The following CDH17 variants were observed in gnomAD, a reference collection of about 807,000 sequenced individuals.
CDH17 encodes the protein cadherin 17, also known as cadherin-17.
A neutral mutation model predicts 86.3 loss-of-function variants in CDH17; 67 were observed. That is an observed-to-expected ratio of 0.78 (90% confidence interval 0.64 to 0.95). The LOEUF (loss-of-function observed/expected upper bound fraction) is 0.95, where lower values mean the gene tolerates loss of function less well. Ranked by LOEUF, CDH17 falls within the 40% of genes least tolerant of loss-of-function variation. The pLI, the probability that CDH17 is intolerant of heterozygous loss-of-function variation, is 0.00. For synonymous variants in CDH17, 367 were observed against 366.4 expected (o/e 1.00, Z -0.02); for missense variants, 993 against 1,017.6 (o/e 0.98, Z 0.33).
chr8:94,145,128 T>C (rs1812715699), intron 15 of CDH17, among the ~76,000 whole-genome samples: 1 of 152,234 alleles, frequency 6.6e-6, no homozygotes, highest in Non-Finnish European at 1.5e-5. Flanking sequence ...AACTCCCATA[T>C]GACCCAGCCA....
intron 1 of CDH17, among the ~76,000 whole-genome samples, chr8:94,216,723 A>T (rs187611903): frequency 6.6e-6 from 1 of 152,214 alleles, no homozygotes; most frequent in African/African-American, 2.4e-5. Flanking sequence ...AAGAAAATCA[A>T]TGGTAGTTAA....
At position 94,177,639 on chromosome 8, in the gene CDH17, A is replaced by G. The variant is rs767319350; in HGVS notation, c.233T>C (p.Leu78Pro). 17 of 1,613,764 alleles carry G rather than the reference A, an allele frequency of 1.1e-5. No individual in the cohort carries two copies. In the Admixed American group the frequency reaches 2.5e-4, roughly 24 times the overall value. The change falls in exon 4 of 18, where the codon CTG becomes CCG. Residue 78 changes from leucine to proline, a missense_variant. Leu to Pro is a moderately conservative substitution (Grantham distance 98, BLOSUM62 -3). Transcript: ENST00000027335. Reference sequence around the variant, plus strand: ...CCTGTCCAAGGCTCTGTTGTAATACAGAAGTCCCTCCCGTTCTATCACAAA... The same window carrying G: ...CCTGTCCAAGGCTCTGTTGTAATACGGAAGTCCCTCCCGTTCTATCACAAA... ...NIFVIEREGL[L>P]YYNRALDRET... is the part of the protein sequence containing the mutation.
intron 14 of CDH17, among the ~76,000 whole-genome samples, chr8:94,146,505 C>A (rs1450187249): frequency 1.3e-5 from 2 of 152,214 alleles, no homozygotes; most frequent in Non-Finnish European, 2.9e-5. Flanking sequence ...CTTTAGCAGG[C>A]CTTAGGCATG....
chr8:94,149,247 A>C (rs1433267866), intron 13 of CDH17, among the ~76,000 whole-genome samples: 1 of 151,972 alleles, frequency 6.6e-6, no homozygotes, highest in Admixed American at 6.5e-5. Flanking sequence ...ATCTTTTAAA[A>C]CCTCTTAGCA....
In CDH17 at chr8:94,146,172, G is replaced by C; in HGVS notation, c.1928-5C>G. 1 of 1,487,998 alleles carries C rather than the reference G, an allele frequency of 6.7e-7. No individual in the cohort carries two copies. Among genetic ancestry groups the C allele is most frequent in the Non-Finnish European group, 8.9e-7 (1 of 1,118,760 alleles). The allele number at this position is 1,487,998 out of a possible 1,614,324, so 92.2% of individuals were successfully genotyped here. A position where few individuals can be genotyped will look rare whatever the true frequency, so the allele number is the denominator to read the frequency against. Reference sequence around the variant, plus strand: ...CAGAGCTCAAGGAAGACCCCCCTAAGGAATTGAATGATTGAAACATGGGAT... The same window carrying C: ...CAGAGCTCAAGGAAGACCCCCCTAACGAATTGAATGATTGAAACATGGGAT... On this transcript the variant is annotated splice_region_variant and splice_polypyrimidine_tract_variant and intron_variant, in intron 14 of 17. Coordinates refer to ENST00000027335, the MANE Select transcript of CDH17 (RefSeq NM_004063.4).
In CDH17 at chr8:94,148,801, G is replaced by T; in HGVS notation, c.1870C>A (p.Pro624Thr). ...HVTGEIFSVAPLDREAGSPYR... is the reference protein window; with the variant it reads ...HVTGEIFSVATLDREAGSPYR... ...GGACTTCCGGCTTCTCTGTCCAATG[G>T]AGCCACACTAAAGATCTCACCAGTC... Residue 624 changes from proline (P) to threonine (T), a missense_variant, in exon 14 of 18, where the codon CCA becomes ACA. Coordinates refer to ENST00000027335, the MANE Select transcript of CDH17 (RefSeq NM_004063.4). 1 of 1,604,698 alleles carries T rather than the reference G, an allele frequency of 6.2e-7. No homozygotes were observed. The highest frequency in any genetic ancestry group is 8.5e-7 in the Non-Finnish European group (1 of 1,176,732).
chr8:94,205,445 G>A lies in CDH17; in HGVS notation c.-21+3038C>T, dbSNP rs116452850. 4.8e-3 allele frequency among the ~76,000 whole-genome samples: 733 copies of A among 151,888 alleles called. 5 individuals carry two copies. Among genetic ancestry groups the A allele is most frequent in the African/African-American group, 0.017 (688 of 41,352 alleles). On this transcript the variant is annotated intron_variant, in intron 1 of 17. Transcript: ENST00000027335. ...CATAGGATTTAGACACTGAAGGATC[G>A]AAAGAAAGAAAGAAAAGAGAAGAGA...
Position 94,148,729 on chromosome 8 carries a change from T to TG in CDH17, c.1927+14_1927+15insC. On this transcript the variant is annotated intron_variant, in intron 14 of 17. Coordinates refer to ENST00000027335, the MANE Select transcript of CDH17 (RefSeq NM_004063.4). ...TGTGTTCCTTTTTTTTTGTTTTTTT[T>TG]TTTTTTTTGCTTACCTACTTCTGTG... The TG allele has an allele frequency of 4.2e-6, 6 of 1,413,804 alleles. No homozygotes were observed. In the African/African-American group the frequency reaches 4.6e-5, roughly 11 times the overall value. 87.6% of individuals were successfully genotyped at this position (1,413,804 alleles called of 1,614,324 possible). A position where few individuals can be genotyped will look rare whatever the true frequency, so the allele number is the denominator to read the frequency against.
upstream of CDH17, among the ~76,000 whole-genome samples, chr8:94,210,743 A>T (rs1398563762): frequency 1.3e-5 from 2 of 152,236 alleles, no homozygotes; most frequent in Non-Finnish European, 2.9e-5. Context: ...ACTGAAGGCC[A>T]GGCGCAGTGG....
chr8:94,134,550 CTTCT>C (rs1425496856), intron 15 of CDH17, among the ~76,000 whole-genome samples: 4 of 151,926 alleles, frequency 2.6e-5, no homozygotes, highest in South Asian at 4.2e-4. Flanking sequence ...TCTCTCTTTT[CTTCT>C]TTATTAGTCT....
intron 15 of CDH17, among the ~76,000 whole-genome samples, chr8:94,141,581 C>T (rs1812639128): frequency 6.6e-6 from 1 of 152,082 alleles, no homozygotes; most frequent in Admixed American, 6.6e-5. Context: ...CTCTAGAATA[C>T]AGATCAGTAT....
At chr8:94,135,176 T>C (rs975968765) in intron 15 of CDH17, among the ~76,000 whole-genome samples, 8 of 152,164 alleles carry the variant, frequency 5.3e-5, no homozygotes, top group Admixed American at 2.6e-4. Context: ...CTATTAGGTC[T>C]GATTGGTGCA....
At chr8:94,151,804 C>T (rs528877822) in intron 13 of CDH17, 64 bp downstream of exon 13, 3 of 1,603,838 alleles carry the variant, frequency 1.9e-6, no homozygotes, top group African/African-American at 2.7e-5. Flanking sequence ...AGGCCAGCTC[C>T]TCCTCCTCCC....
upstream of CDH17, among the ~76,000 whole-genome samples, chr8:94,212,202 C>T (rs957525167): frequency 2.0e-5 from 3 of 152,236 alleles, no homozygotes; most frequent in African/African-American, 7.2e-5. Flanking sequence ...GGCTGACAGG[C>T]TGGAGTGCAG....
chr8:94,131,752 A>G lies in CDH17; in HGVS notation c.2168-760T>C, dbSNP rs1337984472. Reference sequence around the variant, plus strand: ...GTGCAGGTTTGATACGTAGGTATACATGTGTCATGTTGATTTGCTGTACTC... The same window carrying G: ...GTGCAGGTTTGATACGTAGGTATACGTGTGTCATGTTGATTTGCTGTACTC... On this transcript the variant is annotated intron_variant, in intron 15 of 17. Coordinates refer to ENST00000027335, the MANE Select transcript of CDH17 (RefSeq NM_004063.4). Among the ~76,000 whole-genome samples, 12 of 152,022 alleles carry G rather than the reference A, an allele frequency of 7.9e-5. 1 individual carries two copies. Among genetic ancestry groups the G allele is most frequent in the Admixed American group, 7.9e-4 (12 of 15,256 alleles).
intron 4 of CDH17, 26 bp downstream of exon 4, chr8:94,177,561 G>C: frequency 6.2e-7 from 1 of 1,612,982 alleles, no homozygotes; most frequent in Non-Finnish European, 8.5e-7. Context: ...GTTGGAGTTA[G>C]ATCCCTTCAG....
At chr8:94,134,823 T>G (rs746421891) in intron 15 of CDH17, among the ~76,000 whole-genome samples, 4 of 152,252 alleles carry the variant, frequency 2.6e-5, no homozygotes, top group Non-Finnish European at 4.4e-5. Context: ...CTCTACACAC[T>G]GCTTTAAATG....
At chr8:94,170,205 A>T (rs993765765) in intron 9 of CDH17, among the ~76,000 whole-genome samples, 192 bp downstream of exon 9, 1 of 152,156 alleles carries the variant, frequency 6.6e-6, no homozygotes, top group Non-Finnish European at 1.5e-5. Flanking sequence ...AAAAGCCCCA[A>T]TTTAAGAATA....
At position 94,165,956 on chromosome 8, in the gene CDH17, T is replaced by A. The variant is rs1232671806; in HGVS notation, c.1087A>T (p.Thr363Ser). Residue 363 changes from threonine (T) to serine (S), a missense_variant, in exon 10 of 18, where the codon ACT becomes TCT. Transcript: ENST00000027335. ...TTTTCTTCATCCCTGTCATGTGCAGTAAGGGTCCCGATACTGTTACCTATG... is the reference window on the plus strand; with the variant it reads ...TTTTCTTCATCCCTGTCATGTGCAGAAAGGGTCCCGATACTGTTACCTATG... ...ERLGNSIGTLTAHDRDEENTA... is the reference protein window; with the variant it reads ...ERLGNSIGTLSAHDRDEENTA... 2.5e-6 allele frequency: 4 copies of A among 1,612,728 alleles called. No individual in the cohort carries two copies. The highest frequency in any genetic ancestry group is 1.3e-5 in the African/African-American group (1 of 74,984).
Sources: allele counts gnomAD v4.1 joint callset (sites outside exome capture counted in the v4.1 genomes callset), GRCh38; gene constraint gnomAD v4.1.1; transcripts MANE v1.5; gene names NCBI Gene and HGNC (gene_info 2026-07-23, HGNC 2026-07-21).